The following CCDC192 variants were observed in gnomAD, a reference collection of about 807,000 sequenced individuals.
CCDC192 encodes the protein coiled-coil domain containing 192.
chr5:127,717,497 A>ATT (rs375249230), intron 2 of CCDC192, among the ~76,000 whole-genome samples: 3 of 149,628 alleles, frequency 2.0e-5, no homozygotes, highest in African/African-American at 7.4e-5. Context: ...TGTAATTGGG[A>ATT]TTTTTTTTTT....
chr5:127,789,637 C>A (rs1756752115), intron 3 of CCDC192, among the ~76,000 whole-genome samples: 1 of 152,220 alleles, frequency 6.6e-6, no homozygotes, highest in South Asian at 2.1e-4. Flanking sequence ...CGGACCTAAT[C>A]AGTACTCCAG....
intron 6 of CCDC192, among the ~76,000 whole-genome samples, chr5:127,887,328 C>CAAAAA (rs10658827): frequency 0.011 from 955 of 87,004 alleles, 29 homozygotes; most frequent in African/African-American, 0.028. Context: ...GACTCTGTCT[C>CAAAAA]AAAAAAAAAA....
intron 3 of CCDC192, chr5:127,785,271 TA>T: frequency 4.0e-6 from 2 of 499,420 alleles, no homozygotes; most frequent in East Asian, 1.1e-4. Flanking sequence ...ATTCCAACCC[TA>T]GGGGAAGGCA....
chr5:127,885,438 A>G (rs951086797), intron 6 of CCDC192, among the ~76,000 whole-genome samples: 1 of 152,228 alleles, frequency 6.6e-6, no homozygotes, highest in Non-Finnish European at 1.5e-5. Context: ...GGGGTTGCAA[A>G]CAATTGGCAG....
intron 5 of CCDC192, among the ~76,000 whole-genome samples, chr5:127,799,198 A>G (rs1447457337): frequency 2.0e-5 from 3 of 152,206 alleles, no homozygotes; most frequent in Non-Finnish European, 2.9e-5. Flanking sequence ...ACTGCAAGAT[A>G]ATACATTCTG....
rs564703004 is a variant in CCDC192, at chr5:127,710,602, C to A, written c.114+2842C>A. ...TTCAGACATCAAAATGGCTCTCGAT[C>A]GATATCATTTGAAATAAAACAAACA... On this transcript the variant is annotated intron_variant, in intron 2 of 6. Coordinates refer to ENST00000514853, the MANE Select transcript of CCDC192 (RefSeq NM_001317938.2). Among the ~76,000 whole-genome samples the A allele has an allele frequency of 9.1e-4, 139 of 152,038 alleles. 1 individual carries two copies. The highest frequency in any genetic ancestry group is 3.2e-3 in the African/African-American group (133 of 41,470).
intron 5 of CCDC192, among the ~76,000 whole-genome samples, chr5:127,816,294 G>T (rs1749022764): frequency 6.6e-6 from 1 of 152,276 alleles, no homozygotes; most frequent in East Asian, 1.9e-4. Flanking sequence ...ACCATGAAAA[G>T]GGGGGATTTT....
intron 5 of CCDC192, among the ~76,000 whole-genome samples, chr5:127,808,208 A>G (rs542560649): frequency 6.6e-6 from 1 of 152,266 alleles, no homozygotes; most frequent in Non-Finnish European, 1.5e-5. Flanking sequence ...TGAGTATTTT[A>G]TGTTAGGGCA....
At chr5:127,814,850 T>C (rs1748920222) in intron 5 of CCDC192, among the ~76,000 whole-genome samples, 1 of 152,208 alleles carries the variant, frequency 6.6e-6, no homozygotes, top group Non-Finnish European at 1.5e-5. Context: ...CCTACGTACC[T>C]GTGTTGTCTT....
chr5:127,893,141 T>A (rs936499364), intron 6 of CCDC192, among the ~76,000 whole-genome samples: 5 of 152,150 alleles, frequency 3.3e-5, no homozygotes, highest in African/African-American at 4.8e-5. Flanking sequence ...TCCCATGTTT[T>A]ACAGATGAGA....
intron 3 of CCDC192, among the ~76,000 whole-genome samples, chr5:127,764,009 T>C (rs1339863477): frequency 6.6e-6 from 1 of 152,172 alleles, no homozygotes; most frequent in African/African-American, 2.4e-5. Context: ...CGATAATAAT[T>C]GCTTGTCTGT....
chr5:127,929,929 C>T (rs563897772), intron 6 of CCDC192, among the ~76,000 whole-genome samples: 12 of 152,256 alleles, frequency 7.9e-5, no homozygotes, highest in African/African-American at 2.4e-4. Context: ...AATGGCCAGG[C>T]GCAGTGACTC....
chr5:127,788,358 A>G (rs970472117), intron 3 of CCDC192, among the ~76,000 whole-genome samples: 3 of 152,140 alleles, frequency 2.0e-5, no homozygotes, highest in Admixed American at 1.3e-4. Context: ...TTGGGCTACA[A>G]TTCACATGCA....
chr5:127,893,248 G>A (rs763113662), intron 6 of CCDC192, among the ~76,000 whole-genome samples: 255 of 152,266 alleles, frequency 1.7e-3, no homozygotes, highest in Non-Finnish European at 2.0e-3. Flanking sequence ...ACAGAATTAG[G>A]ACCAGATCCC....
At position 127,846,626 on chromosome 5, in the gene CCDC192, C is replaced by T. The variant is rs927122550; in HGVS notation, c.412-28912C>T. On this transcript the variant is annotated intron_variant, in intron 5 of 6. Coordinates refer to ENST00000514853, the MANE Select transcript of CCDC192 (RefSeq NM_001317938.2). ...CTGGGATTACAGGCGCTCACCACCACGCCCGGTTAATTTTTGTATTTCTAG... is the reference window on the plus strand; with the variant it reads ...CTGGGATTACAGGCGCTCACCACCATGCCCGGTTAATTTTTGTATTTCTAG... Among the ~76,000 whole-genome samples the T allele has an allele frequency of 1.5e-4, 23 of 151,856 alleles. 1 individual carries two copies. The highest frequency in any genetic ancestry group is 1.0e-3 in the Admixed American group (16 of 15,246).
intron 5 of CCDC192, among the ~76,000 whole-genome samples, chr5:127,812,593 TTTCACTGTC>T (rs1484326671): frequency 6.6e-6 from 1 of 150,650 alleles, no homozygotes; most frequent in Non-Finnish European, 1.5e-5. Flanking sequence ...CTCTTAATTA[TTTCACTGTC>T]TTCAAAAAAA....
At chr5:127,751,484 G>A (rs1204556696) in intron 2 of CCDC192, among the ~76,000 whole-genome samples, 1 of 152,086 alleles carries the variant, frequency 6.6e-6, no homozygotes, top group Non-Finnish European at 1.5e-5. Flanking sequence ...CGAGAGATCC[G>A]CTATTAGTCT....
chr5:127,836,238 C>G (rs1750028454), intron 5 of CCDC192, among the ~76,000 whole-genome samples: 1 of 152,236 alleles, frequency 6.6e-6, no homozygotes, highest in Non-Finnish European at 1.5e-5. Context: ...GACTCCATGT[C>G]TCACATCCAC....
At chr5:127,910,212 T>G (rs1478529539) in intron 6 of CCDC192, among the ~76,000 whole-genome samples, 1 of 152,252 alleles carries the variant, frequency 6.6e-6, no homozygotes, top group Middle Eastern at 3.2e-3. Flanking sequence ...TGTGCCTTTA[T>G]GGCTGTCAAG....
Sources: allele counts gnomAD v4.1 joint callset (sites outside exome capture counted in the v4.1 genomes callset), GRCh38; gene constraint gnomAD v4.1.1; transcripts MANE v1.5; gene names NCBI Gene and HGNC (gene_info 2026-07-23, HGNC 2026-07-21).